Variants in HS3ST2 observed in about 807,000 individuals in gnomAD.
HS3ST2 encodes the protein heparan sulfate-glucosamine 3-sulfotransferase 2, also known as heparan sulfate glucosamine 3-O-sulfotransferase 2.
A neutral mutation model predicts 26.3 loss-of-function variants in HS3ST2; 17 were observed. That is an observed-to-expected ratio of 0.65 (90% CI 0.44 to 0.97). The LOEUF (loss-of-function observed/expected upper bound fraction) is 0.97, where lower values mean the gene tolerates loss of function less well. HS3ST2 is among the 50% of genes least tolerant of loss of function. The pLI, the probability that HS3ST2 is intolerant of heterozygous loss-of-function variation, is 0.00. For missense variants in HS3ST2, 402 were observed against 501.2 expected (o/e 0.80, Z 1.89); for synonymous variants, 237 against 219.2 (o/e 1.08, Z -0.72).
chr16:22,819,493 T>C (rs141805489), intron 1 of HS3ST2, among the ~76,000 whole-genome samples: 86 of 152,314 alleles, frequency 5.6e-4, no homozygotes, highest in African/African-American at 2.0e-3. Context: ...AGCTGAGATA[T>C]GTCTGAAGTG....
intron 1 of HS3ST2, among the ~76,000 whole-genome samples, chr16:22,873,991 G>A (rs1020816925): frequency 6.6e-6 from 1 of 152,156 alleles, no homozygotes; most frequent in African/African-American, 2.4e-5. Context: ...ATAGCAGGAG[G>A]GCAAGCGTCA....
intron 1 of HS3ST2, among the ~76,000 whole-genome samples, chr16:22,842,157 G>A (rs1038448775): frequency 1.3e-5 from 2 of 149,958 alleles, no homozygotes; most frequent in Non-Finnish European, 1.5e-5. Context: ...CACCTCCTGG[G>A]TCCAAGTGAT....
rs11641851 is a variant in HS3ST2, at chr16:22,895,334, C to A, written c.486-19610C>A. Among the ~76,000 whole-genome samples, 418 of 152,310 alleles carry A rather than the reference C, an allele frequency of 2.7e-3. 10 individuals are homozygous for A. The highest frequency in any genetic ancestry group is 3.0e-3 in the Admixed American group (46 of 15,304). On this transcript the variant is annotated intron_variant, in intron 1 of 1. Coordinates refer to ENST00000261374, the MANE Select transcript of HS3ST2 (RefSeq NM_006043.2). ...TGAACTCCTGACCTCAGGTGATCCG[C>A]CTGCCTCAGCTTCCCAAAGTGCTGA... is the stretch of plus-strand genomic sequence containing the variant.
intron 1 of HS3ST2, among the ~76,000 whole-genome samples, chr16:22,879,903 A>G (rs949446896): frequency 2.0e-5 from 3 of 152,172 alleles, no homozygotes; most frequent in African/African-American, 4.8e-5. Context: ...GACTGGACAC[A>G]GGGGCTTGGG....
At chr16:22,913,464 T>G (rs1902452262) in intron 1 of HS3ST2, among the ~76,000 whole-genome samples, 1 of 152,142 alleles carries the variant, frequency 6.6e-6, no homozygotes, top group African/African-American at 2.4e-5. Context: ...CCTGGAGTTC[T>G]GTGCTTGTTC....
chr16:22,840,433 A>G (rs1463414683), intron 1 of HS3ST2, among the ~76,000 whole-genome samples: 1 of 150,986 alleles, frequency 6.6e-6, no homozygotes, highest in African/African-American at 2.4e-5. Context: ...CCCAGGCTGG[A>G]GTTAAGTGAC....
At chr16:22,849,692 T>A (rs115123472) in intron 1 of HS3ST2, among the ~76,000 whole-genome samples, 1,737 of 152,288 alleles carry the variant, frequency 0.011, 34 homozygotes, top group African/African-American at 0.038. Context: ...TGTTCTCAAC[T>A]TGTCTGCCTG....
rs138067311 is a variant in HS3ST2 at position 22,864,928 on chromosome 16, G to A, written c.485+49833G>A. ...TAGCCGGGCATGGTGGTACACACCT[G>A]TAGTCCCAGCTACTCAGGAGGCTGA... is the stretch of plus-strand genomic sequence containing the variant. On this transcript the variant is annotated intron_variant, in intron 1 of 1. Transcript: ENST00000261374. Among the ~76,000 whole-genome samples, 1,358 of 145,252 alleles carry A rather than the reference G, an allele frequency of 9.3e-3. 22 individuals carry two copies. The highest frequency in any genetic ancestry group is 0.033 in the African/African-American group (1,264 of 37,804).
chr16:22,915,272 G>A lies in HS3ST2; in HGVS notation c.814G>A (p.Val272Ile), dbSNP rs772029996. Residue 272 changes from valine (V) to isoleucine (I), a missense_variant, in exon 2 of 2, where the codon GTC becomes ATC. By Grantham distance (29) the Val-to-Ile change is conservative (BLOSUM62 3). Coordinates refer to ENST00000261374, the MANE Select transcript of HS3ST2 (RefSeq NM_006043.2). ...CTTCCCGCTAGCTCAGATTCACTTCGTCAGTGGCGAGCGACTCATCACTGA... is the reference window on the plus strand; with the variant it reads ...CTTCCCGCTAGCTCAGATTCACTTCATCAGTGGCGAGCGACTCATCACTGA... The part of the protein sequence containing the change: ...QYFPLAQIHF[V>I]SGERLITDPA... 6.8e-6 allele frequency: 11 copies of A among 1,614,002 alleles called. No individual in the cohort carries two copies. The East Asian group carries it at 8.9e-5, about 13-fold the overall frequency.
In HS3ST2 at chr16:22,835,827, C is replaced by T. The variant is rs534133984; in HGVS notation, c.485+20732C>T. 2.6e-5 allele frequency among the ~76,000 whole-genome samples: 4 copies of T among 152,190 alleles called. No homozygotes were observed. The South Asian group carries it at 6.2e-4, about 24-fold the overall frequency. ...AACAAGTCAGATGTAGCCAAAGCTA[C>T]ACTCAGCAGCAACTTAGCTTCTTTA... is the stretch of plus-strand genomic sequence containing the variant. On this transcript the variant is annotated intron_variant, in intron 1 of 1. Transcript: ENST00000261374.
At chr16:22,826,660 G>A (rs1011962586) in intron 1 of HS3ST2, among the ~76,000 whole-genome samples, 11 of 152,158 alleles carry the variant, frequency 7.2e-5, no homozygotes, top group Non-Finnish European at 1.5e-4. Flanking sequence ...ATAAATATGC[G>A]TTGAGTGAAT....
intron 1 of HS3ST2, among the ~76,000 whole-genome samples, chr16:22,900,461 G>A (rs1451306701): frequency 1.3e-5 from 2 of 152,188 alleles, no homozygotes; most frequent in Non-Finnish European, 2.9e-5. Flanking sequence ...TTCTGATCAT[G>A]AGTGAAGAGA....
At chr16:22,850,157 G>A (rs1460559149) in intron 1 of HS3ST2, among the ~76,000 whole-genome samples, 5 of 152,072 alleles carry the variant, frequency 3.3e-5, no homozygotes, top group Non-Finnish European at 5.9e-5. Context: ...TTAATACAAT[G>A]GGTAACCCTT....
intron 1 of HS3ST2, among the ~76,000 whole-genome samples, chr16:22,828,804 C>T (rs902933568): frequency 1.2e-4 from 18 of 152,178 alleles, no homozygotes; most frequent in African/African-American, 4.1e-4. Context: ...GTGGCGCAGT[C>T]CCTACTTTAG....
chr16:22,879,893 G>T (rs1901964851), intron 1 of HS3ST2, among the ~76,000 whole-genome samples: 1 of 152,166 alleles, frequency 6.6e-6, no homozygotes, highest in Non-Finnish European at 1.5e-5. Flanking sequence ...ATGAACCCCA[G>T]ACTGGACACA....
At chr16:22,879,527 T>C (rs1396332107) in intron 1 of HS3ST2, among the ~76,000 whole-genome samples, 1 of 152,078 alleles carries the variant, frequency 6.6e-6, no homozygotes, top group Admixed American at 6.6e-5. Flanking sequence ...GGCATCCCAG[T>C]TGGAAATCCA....
intron 1 of HS3ST2, among the ~76,000 whole-genome samples, chr16:22,852,557 A>G (rs752611008): frequency 2.6e-5 from 4 of 152,144 alleles, no homozygotes; most frequent in Non-Finnish European, 5.9e-5. Context: ...CTTGGACCCC[A>G]AAGATTCCTC....
chr16:22,832,371 C>G (rs1176074247), intron 1 of HS3ST2, among the ~76,000 whole-genome samples: 1 of 151,992 alleles, frequency 6.6e-6, no homozygotes, highest in Non-Finnish European at 1.5e-5. Context: ...TGGTGAGCAT[C>G]CTACACCCCT....
intron 1 of HS3ST2, among the ~76,000 whole-genome samples, chr16:22,819,690 G>T (rs1000705975): frequency 6.6e-6 from 1 of 152,176 alleles, no homozygotes; most frequent in African/African-American, 2.4e-5. Flanking sequence ...CACAACTCTG[G>T]TTATTTATTT....
Sources: gnomAD v4.1 joint callset for allele counts (sites outside exome capture counted in the v4.1 genomes callset) on GRCh38, gnomAD v4.1.1 for gene constraint, MANE v1.5 for transcripts, NCBI Gene and HGNC (gene_info 2026-07-23, HGNC 2026-07-21) for gene names.